ASIC2: variants seen among roughly 807,000 people sequenced by gnomAD.
The protein encoded by ASIC2 is acid-sensing ion channel 2.
ASIC2 carries 25 observed loss-of-function variants against 57.3 expected under a neutral mutation model. That is an observed-to-expected ratio of 0.44 (90% CI 0.32 to 0.61). ASIC2 has a LOEUF of 0.61. ASIC2 is among the 20% of genes least tolerant of loss of function. The probability of loss-of-function intolerance (pLI) is 0.06; values close to 1 mark genes in which losing one functional copy is unlikely to be tolerated. For missense variants in ASIC2, 641 were observed against 738.1 expected (o/e 0.87, Z 1.52); for synonymous variants, 319 against 307.5 (o/e 1.04, Z -0.39).
At chr17:33,579,609 T>C (rs1246764874) in intron 1 of ASIC2, among the ~76,000 whole-genome samples, 7 of 151,798 alleles carry the variant, frequency 4.6e-5, no homozygotes, top group African/African-American at 1.2e-4. Context: ...GTCGGGAGTT[T>C]GTTCCTTCAG....
chr17:34,132,535 C>A (rs1912015531), intron 1 of ASIC2, among the ~76,000 whole-genome samples: 2 of 151,738 alleles, frequency 1.3e-5, no homozygotes, highest in African/African-American at 4.9e-5. Context: ...CTTTTAGGAT[C>A]CTGCTGATTG....
chr17:33,269,695 C>T (rs1904395444), intron 1 of ASIC2, among the ~76,000 whole-genome samples: 1 of 71,206 alleles, frequency 1.4e-5, no homozygotes, highest in Admixed American at 1.7e-4. Flanking sequence ...TCCTGCCTGC[C>T]TGCCTGCCTG....
chr17:33,032,344 G>C (rs1050309616), intron 3 of ASIC2, among the ~76,000 whole-genome samples: 1 of 149,942 alleles, frequency 6.7e-6, no homozygotes, highest in African/African-American at 2.5e-5. Context: ...AATATACCTT[G>C]AATTAATATT....
At chr17:33,577,673 T>C (rs1442450115) in intron 1 of ASIC2, among the ~76,000 whole-genome samples, 1 of 152,164 alleles carries the variant, frequency 6.6e-6, no homozygotes, top group Non-Finnish European at 1.5e-5. Flanking sequence ...CCCTAGCACC[T>C]ATTTTTACCA....
chr17:33,509,073 G>A (rs573693963), intron 1 of ASIC2, among the ~76,000 whole-genome samples: 1 of 152,326 alleles, frequency 6.6e-6, no homozygotes, highest in South Asian at 2.1e-4. Context: ...AATGCTGGGA[G>A]AAAGATGTGA....
chr17:33,272,175 A>G (rs1283334224), intron 1 of ASIC2, among the ~76,000 whole-genome samples: 1 of 152,210 alleles, frequency 6.6e-6, no homozygotes, highest in African/African-American at 2.4e-5. Flanking sequence ...AGCATCTTAC[A>G]AACATCCATT....
intron 1 of ASIC2, among the ~76,000 whole-genome samples, chr17:33,428,612 A>T (rs1010812113): frequency 6.6e-6 from 1 of 152,148 alleles, no homozygotes; most frequent in Non-Finnish European, 1.5e-5. Flanking sequence ...AAGTGGCCTC[A>T]TTGGAGGGAA....
At chr17:33,137,723 T>C (rs751682734) in intron 1 of ASIC2, among the ~76,000 whole-genome samples, 3 of 152,222 alleles carry the variant, frequency 2.0e-5, no homozygotes, top group Non-Finnish European at 4.4e-5. Context: ...AAAGTCACTA[T>C]TCTCAGGAAG....
intron 1 of ASIC2, among the ~76,000 whole-genome samples, chr17:33,751,859 T>C (rs2637364): frequency 0.54 from 80,212 of 149,598 alleles, 21,507 homozygotes; most frequent in East Asian, 0.66. Flanking sequence ...GCAGACCGGG[T>C]GTGCTGAGAG....
At chr17:33,778,981 C>G (rs1236875111) in intron 1 of ASIC2, among the ~76,000 whole-genome samples, 1 of 152,154 alleles carries the variant, frequency 6.6e-6, no homozygotes, top group East Asian at 1.9e-4. Context: ...AGTGCAGGGC[C>G]TTACTCATGT....
intron 1 of ASIC2, among the ~76,000 whole-genome samples, chr17:33,939,008 G>A (rs971861526): frequency 3.3e-5 from 5 of 152,192 alleles, no homozygotes; most frequent in Admixed American, 2.6e-4. Flanking sequence ...ACTGCCCGGG[G>A]CCAGCCCTCC....
intron 1 of ASIC2, among the ~76,000 whole-genome samples, chr17:33,915,280 G>C (rs1160357104): frequency 6.6e-6 from 1 of 152,178 alleles, no homozygotes; most frequent in Non-Finnish European, 1.5e-5. Flanking sequence ...CCCATCATTT[G>C]CCAGGGGCTT....
chr17:33,497,511 C>T (rs72823225), intron 1 of ASIC2, among the ~76,000 whole-genome samples: 176 of 152,218 alleles, frequency 1.2e-3, no homozygotes, highest in Non-Finnish European at 2.1e-3. Flanking sequence ...AAACAGTCAG[C>T]GAAAGCACAC....
At chr17:33,472,589 A>T (rs1194905808) in intron 1 of ASIC2, among the ~76,000 whole-genome samples, 1 of 152,116 alleles carries the variant, frequency 6.6e-6, no homozygotes, top group Non-Finnish European at 1.5e-5. Context: ...AGATCCTTTG[A>T]TCTCTTCACC....
intron 1 of ASIC2, among the ~76,000 whole-genome samples, chr17:33,889,555 A>AT (rs1914912356): frequency 6.8e-6 from 1 of 146,814 alleles, no homozygotes; most frequent in Non-Finnish European, 1.5e-5. Context: ...TCTCTCAGTT[A>AT]TAAAAAAAAA....
At chr17:33,679,084 C>A (rs1907919249) in intron 1 of ASIC2, among the ~76,000 whole-genome samples, 1 of 152,190 alleles carries the variant, frequency 6.6e-6, no homozygotes, top group Non-Finnish European at 1.5e-5. Flanking sequence ...ACATATGTTA[C>A]CCCTGTTGGA....
chr17:33,329,742 T>A (rs1358913699), intron 1 of ASIC2, among the ~76,000 whole-genome samples: 1 of 151,878 alleles, frequency 6.6e-6, no homozygotes, highest in Admixed American at 6.6e-5. Flanking sequence ...CAGTTCCAGT[T>A]TTTTTTTTCC....
At chr17:33,058,049 A>G (rs1373425997) in intron 3 of ASIC2, among the ~76,000 whole-genome samples, 2 of 152,246 alleles carry the variant, frequency 1.3e-5, no homozygotes, top group Admixed American at 6.5e-5. Context: ...CATATTAAAA[A>G]AAAAGGTATG....
intron 1 of ASIC2, among the ~76,000 whole-genome samples, chr17:33,430,961 G>A (rs1244788084): frequency 6.6e-6 from 1 of 152,134 alleles, no homozygotes; most frequent in Admixed American, 6.5e-5. Context: ...AATATAAGCA[G>A]GTGAGGACAA....
Sources: gnomAD v4.1 joint callset for allele counts (sites outside exome capture counted in the v4.1 genomes callset) on GRCh38, gnomAD v4.1.1 for gene constraint, MANE v1.5 for transcripts, NCBI Gene and HGNC (gene_info 2026-07-23, HGNC 2026-07-21) for gene names.